Variants in MEGF9 observed in about 807,000 individuals in gnomAD.
MEGF9 encodes multiple EGF like domains 9.
Under a neutral mutation model 46.8 loss-of-function variants are expected in MEGF9, and 6 were observed. The ratio of observed to expected loss-of-function variants is 0.13; its 90% CI spans 0.07 to 0.25. MEGF9 has a LOEUF of 0.25. Ranked by LOEUF, MEGF9 falls within the 10% of genes least tolerant of loss-of-function variation. The pLI, the probability that MEGF9 is intolerant of heterozygous loss-of-function variation, is 1.00. For synonymous variants in MEGF9, 302 were observed against 330.7 expected (o/e 0.91, Z 0.94); for missense variants, 683 against 792.4 (o/e 0.86, Z 1.66).
intron 1 of MEGF9, among the ~76,000 whole-genome samples, chr9:120,712,904 T>C (rs78869940): frequency 0.024 from 3,605 of 152,318 alleles, 149 homozygotes; most frequent in African/African-American, 0.083. Context: ...CGAGTTGTCT[T>C]TAACTTTGCT....
At chr9:120,609,775 C>A (rs1344221035) in intron 4 of MEGF9, among the ~76,000 whole-genome samples, 1 of 152,164 alleles carries the variant, frequency 6.6e-6, no homozygotes, top group Non-Finnish European at 1.5e-5. Flanking sequence ...AACAGGATCA[C>A]CCTGTTATCT....
intron 1 of MEGF9, among the ~76,000 whole-genome samples, chr9:120,665,406 T>A (rs2043720569): frequency 6.6e-6 from 1 of 152,182 alleles, no homozygotes; most frequent in African/African-American, 2.4e-5. Flanking sequence ...TGTTTCACCA[T>A]GTTGTTAAGG....
intron 1 of MEGF9, among the ~76,000 whole-genome samples, chr9:120,703,354 A>G (rs1186810305): frequency 3.3e-5 from 5 of 152,338 alleles, no homozygotes; most frequent in African/African-American, 1.2e-4. Context: ...AACAAAACAA[A>G]TGGAAGTCCT....
At chr9:120,711,184 C>G (rs1248549995) in intron 1 of MEGF9, among the ~76,000 whole-genome samples, 1 of 152,208 alleles carries the variant, frequency 6.6e-6, no homozygotes, top group East Asian at 1.9e-4. Flanking sequence ...CAAAAATACT[C>G]TGTGCTGCTT....
intron 1 of MEGF9, among the ~76,000 whole-genome samples, chr9:120,708,237 C>T (rs186375609): frequency 1.3e-4 from 19 of 151,266 alleles, no homozygotes; most frequent in South Asian, 2.1e-4. Flanking sequence ...TGGCGGCATG[C>T]GCCTGTAGTC....
chr9:120,685,690 C>T (rs1434174168), intron 1 of MEGF9, among the ~76,000 whole-genome samples: 1 of 152,112 alleles, frequency 6.6e-6, no homozygotes, highest in Non-Finnish European at 1.5e-5. Context: ...AATTAATTTA[C>T]CATATATGAT....
intron 1 of MEGF9, among the ~76,000 whole-genome samples, chr9:120,707,967 C>T (rs1394107397): frequency 6.6e-6 from 1 of 152,122 alleles, no homozygotes; most frequent in Non-Finnish European, 1.5e-5. Flanking sequence ...ACTGCTTGAA[C>T]TTGGGAGGCG....
intron 1 of MEGF9, among the ~76,000 whole-genome samples, chr9:120,706,797 C>A (rs988816584): frequency 6.6e-6 from 1 of 151,918 alleles, no homozygotes; most frequent in African/African-American, 2.4e-5. Context: ...ATTGTGCCAC[C>A]GCACTCCAGC....
At chr9:120,629,905 C>G (rs2132307762) in intron 2 of MEGF9, among the ~76,000 whole-genome samples, 1 of 151,864 alleles carries the variant, frequency 6.6e-6, no homozygotes, top group East Asian at 1.9e-4. Context: ...TGCACTCCAG[C>G]CTGGGCAACA....
chr9:120,606,408 G>A (rs2043420680), intron 5 of MEGF9, among the ~76,000 whole-genome samples: 4 of 152,128 alleles, frequency 2.6e-5, no homozygotes, highest in Admixed American at 2.0e-4. Flanking sequence ...AGGAGGTGTA[G>A]GGAAAACTAT....
intron 3 of MEGF9, 141 bp downstream of exon 3, chr9:120,622,475 G>T: frequency 1.8e-6 from 1 of 565,650 alleles, no homozygotes; most frequent in East Asian, 3.5e-5. Flanking sequence ...CAGGAGTTTG[G>T]CTTGCTGTGA....
chr9:120,675,056 G>C (rs2043766952), intron 1 of MEGF9, among the ~76,000 whole-genome samples: 1 of 151,884 alleles, frequency 6.6e-6, no homozygotes. Context: ...TTTTTATAAA[G>C]TTAAATATAT....
At chr9:120,707,644 G>A (rs945237549) in intron 1 of MEGF9, among the ~76,000 whole-genome samples, 5 of 152,138 alleles carry the variant, frequency 3.3e-5, no homozygotes, top group Admixed American at 6.6e-5. Flanking sequence ...AAAGAAACAC[G>A]AGTAAGTAAG....
chr9:120,657,319 A>G (rs1021655906), intron 2 of MEGF9, among the ~76,000 whole-genome samples: 1 of 152,238 alleles, frequency 6.6e-6, no homozygotes, highest in Non-Finnish European at 1.5e-5. Context: ...ATAGGGTTTC[A>G]GCATTAAACT....
chr9:120,648,985 C>T (rs956441584), intron 2 of MEGF9, among the ~76,000 whole-genome samples: 2 of 152,164 alleles, frequency 1.3e-5, no homozygotes, highest in Non-Finnish European at 2.9e-5. Context: ...GCTCCAGGAC[C>T]TTCCCACCAT....
At chr9:120,626,586 ATTACCTT>A (rs200024561) in intron 2 of MEGF9, among the ~76,000 whole-genome samples, 1,621 of 152,348 alleles carry the variant, frequency 0.011, 28 homozygotes, top group African/African-American at 0.034. Context: ...TACAAGCCAA[ATTACCTT>A]TTTAAAGACT....
chr9:120,601,498 C>T lies in MEGF9; in HGVS notation c.*3692G>A, dbSNP rs777059644. 5.3e-5 allele frequency: 8 copies of T among 152,120 alleles called. No homozygotes were observed. The highest frequency in any genetic ancestry group is 1.3e-4 in the Admixed American group (2 of 15,280). 9.4% of individuals were successfully genotyped at this position (152,120 alleles called of 1,614,324 possible). A position where few individuals can be genotyped will look rare whatever the true frequency, so the allele number is the denominator to read the frequency against. ...AGCTGACCAAAATAAACTAGTAGGT[C>T]AGTGAGTATTGCTTTAATGGTCAAT... On this transcript the variant is annotated 3_prime_UTR_variant, in exon 6 of 6. Coordinates refer to ENST00000373930, the MANE Select transcript of MEGF9 (RefSeq NM_001080497.3).
chr9:120,610,637 C>T (rs1165806894), intron 4 of MEGF9, among the ~76,000 whole-genome samples: 1 of 152,162 alleles, frequency 6.6e-6, no homozygotes, highest in Non-Finnish European at 1.5e-5. Context: ...GATATTCCCC[C>T]ACTCCAGGCA....
intron 2 of MEGF9, among the ~76,000 whole-genome samples, chr9:120,626,220 T>A (rs977415532): frequency 5.3e-5 from 8 of 152,128 alleles, no homozygotes; most frequent in African/African-American, 1.7e-4. Flanking sequence ...GCTAGTAAAG[T>A]ACCAAGATAG....
Sources: allele counts gnomAD v4.1 joint callset (sites outside exome capture counted in the v4.1 genomes callset), GRCh38; gene constraint gnomAD v4.1.1; transcripts MANE v1.5; gene names NCBI Gene and HGNC (gene_info 2026-07-23, HGNC 2026-07-21).